The following PTPN14 variants were observed in gnomAD, a reference collection of about 807,000 sequenced individuals.
PTPN14 encodes the protein protein tyrosine phosphatase non-receptor type 14, also known as tyrosine-protein phosphatase non-receptor type 14.
In PTPN14, 53 loss-of-function variants were observed where a neutral mutation model predicts 126.8. The ratio of observed to expected loss-of-function variants is 0.42; its 90% CI spans 0.34 to 0.53. The LOEUF (loss-of-function observed/expected upper bound fraction) is 0.53. Among genes scored for constraint, PTPN14 ranks in the 20% least tolerant of loss-of-function variants. PTPN14 has a pLI of 0.08. For missense variants in PTPN14, 1,257 were observed against 1,552.9 expected (o/e 0.81, Z 3.20); for synonymous variants, 630 against 599.3 (o/e 1.05, Z -0.75).
At chr1:214,407,351 C>G (rs565526361) in intron 5 of PTPN14, among the ~76,000 whole-genome samples, 1 of 151,998 alleles carries the variant, frequency 6.6e-6, no homozygotes, top group South Asian at 2.1e-4. Context: ...ATGGTGAAAC[C>G]CCCCGTCTCT....
At position 214,383,796 on chromosome 1, in the gene PTPN14, G is replaced by A. The variant is rs138971900; in HGVS notation, c.2059C>T (p.Pro687Ser). Residue 687 changes from proline to serine, a missense_variant, in exon 13 of 19, where the codon CCC (proline) becomes TCC (serine). This residue lies in a region of PTPN14 where 1,021 missense variants were observed against 1,183.3 expected (regional missense o/e 0.86). Coordinates refer to ENST00000366956, the MANE Select transcript of PTPN14 (RefSeq NM_005401.5). This position sits in a 1 kb window ranked among gnomAD's most constrained non-coding sequence, Gnocchi z 4.4. The stretch of plus-strand genomic sequence containing the variant: ...TTGTGGTGATACTGAGGGAGCTGGG[G>A]GACCTCGTGGCTGCCTGACCCCTCC... ...PEEGSGSHEV[P>S]QLPQYHHKKT... 2.0e-5 allele frequency: 33 copies of A among 1,612,756 alleles called. No individual in the cohort carries two copies. Among genetic ancestry groups the A allele is most frequent in the Middle Eastern group, 1.6e-4 (1 of 6,084 alleles).
chr1:214,487,454 C>T (rs539668264), intron 1 of PTPN14, among the ~76,000 whole-genome samples: 3 of 152,138 alleles, frequency 2.0e-5, no homozygotes, highest in South Asian at 4.2e-4. Context: ...GGTGAAACCC[C>T]GTCTCTGCTA....
Position 214,393,731 on chromosome 1 carries a change from C to T in PTPN14, c.893G>A (p.Arg298Gln), listed in dbSNP as rs776255185. ...AKYISRLFAT[R>Q]HKFYKQNKIC... Reference sequence around the variant, plus strand: ...TTTGTTTTGTTTGTAAAACTTGTGTCGTGTGGCAAACAACCGAGAAATATA... The same window carrying T: ...TTTGTTTTGTTTGTAAAACTTGTGTTGTGTGGCAAACAACCGAGAAATATA... Residue 298 changes from arginine (R) to glutamine (Q), a missense_variant, in exon 10 of 19, where the codon CGA becomes CAA. Arg to Gln is a conservative substitution (Grantham distance 43, BLOSUM62 1). Transcript: ENST00000366956. 5.0e-6 allele frequency: 8 copies of T among 1,604,002 alleles called. No homozygotes were observed. The highest frequency in any genetic ancestry group is 2.2e-5 in the East Asian group (1 of 44,840).
At chr1:214,444,427 T>C (rs974828701) in intron 3 of PTPN14, among the ~76,000 whole-genome samples, 1 of 152,202 alleles carries the variant, frequency 6.6e-6, no homozygotes, top group Admixed American at 6.5e-5. Flanking sequence ...GGAGTCCCTG[T>C]ATCCCAGCCC....
Position 214,394,826 on chromosome 1 carries a change from A to G in PTPN14, c.846+73T>C, listed in dbSNP as rs1658839806. ...TATCTCAAGATAGGGAGAGCAAGGA[A>G]AGGACATTAGGAGTTGAAAAGTCCA... On this transcript the variant is annotated intron_variant, in intron 9 of 18. Transcript: ENST00000366956. 7 of 1,293,008 alleles carry G rather than the reference A, an allele frequency of 5.4e-6. No individual in the cohort carries two copies. The South Asian group carries it at 7.2e-5, about 13-fold the overall frequency. 80.1% of individuals were successfully genotyped at this position (1,293,008 alleles called of 1,614,324 possible). A position where few individuals can be genotyped will look rare whatever the true frequency, so the allele number is the denominator to read the frequency against.
At chr1:214,412,427 CAA>C (rs1203381142) in intron 4 of PTPN14, among the ~76,000 whole-genome samples, 3 of 152,054 alleles carry the variant, frequency 2.0e-5, no homozygotes, top group Middle Eastern at 3.2e-3. Flanking sequence ...TTTAAGGTAA[CAA>C]GAGATATAGG....
intron 1 of PTPN14, chr1:214,531,043 A>G (rs1404471713): frequency 2.0e-5 from 3 of 152,220 alleles, no homozygotes; most frequent in Non-Finnish European, 2.9e-5. Flanking sequence ...GAAATTTGCA[A>G]TGAATTCCAG....
intron 1 of PTPN14, among the ~76,000 whole-genome samples, chr1:214,471,870 C>T (rs981073121): frequency 6.6e-6 from 1 of 152,228 alleles, no homozygotes; most frequent in Non-Finnish European, 1.5e-5. Context: ...ATGTGTATAT[C>T]ATCCAGTGTT....
At chr1:214,430,531 T>C (rs1349081929) in intron 3 of PTPN14, among the ~76,000 whole-genome samples, 2 of 152,144 alleles carry the variant, frequency 1.3e-5, no homozygotes, top group African/African-American at 4.8e-5. Context: ...TATGAATGGG[T>C]CTCGTCCAAT....
chr1:214,530,378 A>T lies in PTPN14; in HGVS notation c.-155+20805T>A, dbSNP rs1655513483. 4 of 134,612 alleles carry T rather than the reference A, an allele frequency of 3.0e-5. No homozygotes were observed. The South Asian group carries it at 9.0e-4, about 30-fold the overall frequency. 8.3% of individuals were successfully genotyped at this position (134,612 alleles called of 1,614,324 possible). A position where few individuals can be genotyped will look rare whatever the true frequency, so the allele number is the denominator to read the frequency against. ...TTTTGAGACAGGGTCTCCTTCGGTCACCCAGGCTGGTGTGCATCAGTGGTA... is the reference window on the plus strand; with the variant it reads ...TTTTGAGACAGGGTCTCCTTCGGTCTCCCAGGCTGGTGTGCATCAGTGGTA... On this transcript the variant is annotated intron_variant, in intron 1 of 18. Coordinates refer to ENST00000366956, the MANE Select transcript of PTPN14 (RefSeq NM_005401.5).
In PTPN14 at chr1:214,354,102, A is replaced by G. The variant is rs1168942977; in HGVS notation, c.*3820T>C. On this transcript the variant is annotated 3_prime_UTR_variant, in exon 19 of 19. Coordinates refer to ENST00000366956, the MANE Select transcript of PTPN14 (RefSeq NM_005401.5). ...GGTGTAAGCCATGGTCAAGTCCTACAAGGCCCACCCTCAGCAGTCTACAAA... is the reference window on the plus strand; with the variant it reads ...GGTGTAAGCCATGGTCAAGTCCTACGAGGCCCACCCTCAGCAGTCTACAAA... 2.0e-5 allele frequency: 3 copies of G among 152,232 alleles called. No individual in the cohort carries two copies. The allele number at this position is 152,232 out of a possible 1,614,324, so 9.4% of individuals were successfully genotyped here. A position where few individuals can be genotyped will look rare whatever the true frequency, so the allele number is the denominator to read the frequency against.
chr1:214,510,939 A>C (rs917433062), intron 1 of PTPN14, among the ~76,000 whole-genome samples: 19 of 152,060 alleles, frequency 1.2e-4, no homozygotes, highest in African/African-American at 4.6e-4. Flanking sequence ...GTGCAGTGGC[A>C]CAATCACAAC....
At position 214,483,496 on chromosome 1, in the gene PTPN14, C is replaced by A. The variant is rs375548136; in HGVS notation, c.-154-18539G>T. 139 of 717,640 alleles carry A rather than the reference C, an allele frequency of 1.9e-4. 1 individual carries two copies. In the African/African-American group the frequency reaches 2.0e-3, roughly 10 times the overall value. The allele number at this position is 717,640 out of a possible 1,614,324, so 44.5% of individuals were successfully genotyped here. A position where few individuals can be genotyped will look rare whatever the true frequency, so the allele number is the denominator to read the frequency against. On this transcript the variant is annotated intron_variant, in intron 1 of 18. Transcript: ENST00000366956. ...CCCTTCCCCACCCGCCTCCAGTTAA[C>A]AACTTTCACTGTCTTGAAGTTTCTT...
chr1:214,540,920 C>T (rs1655818829), intron 1 of PTPN14, among the ~76,000 whole-genome samples: 1 of 152,064 alleles, frequency 6.6e-6, no homozygotes, highest in Non-Finnish European at 1.5e-5. Context: ...TTTTTGGACA[C>T]ACTCTTAAAA....
At chr1:214,361,249 C>T (rs139601070) in intron 18 of PTPN14, among the ~76,000 whole-genome samples, 6 of 152,296 alleles carry the variant, frequency 3.9e-5, no homozygotes, top group South Asian at 2.1e-4. Flanking sequence ...TAGAATAGTG[C>T]GTATACATGG....
chr1:214,431,136 TA>T (rs1278389153), intron 3 of PTPN14, among the ~76,000 whole-genome samples: 1 of 152,122 alleles, frequency 6.6e-6, no homozygotes, highest in African/African-American at 2.4e-5. Flanking sequence ...AAAATAGGGC[TA>T]TGTAAGGAAG....
chr1:214,421,160 C>A (rs925318523), intron 3 of PTPN14, among the ~76,000 whole-genome samples: 20 of 152,140 alleles, frequency 1.3e-4, no homozygotes, highest in Non-Finnish European at 4.4e-5. Context: ...AAGTCTAACA[C>A]CTGATGGATG....
At chr1:214,474,526 T>C (rs749659339) in intron 1 of PTPN14, among the ~76,000 whole-genome samples, 2 of 152,180 alleles carry the variant, frequency 1.3e-5, no homozygotes, top group African/African-American at 2.4e-5. Flanking sequence ...CTCCACAGCA[T>C]ACAAATCGGT....
chr1:214,365,950 A>G (rs927418499), intron 17 of PTPN14, among the ~76,000 whole-genome samples: 1 of 152,164 alleles, frequency 6.6e-6, no homozygotes, highest in African/African-American at 2.4e-5. Flanking sequence ...GGATCACCTG[A>G]GGTCAGGAGT....
Sources: allele counts gnomAD v4.1 joint callset (sites outside exome capture counted in the v4.1 genomes callset), GRCh38; gene constraint gnomAD v4.1.1; regional missense constraint gnomAD v4.1.1; non-coding constraint Gnocchi (gnomAD v3.1); transcripts MANE v1.5; gene names NCBI Gene and HGNC (gene_info 2026-07-23, HGNC 2026-07-21).